The following STIM2 variants were observed in gnomAD, a reference collection of about 807,000 sequenced individuals.
STIM2 encodes stromal interaction molecule 2.
Under a neutral mutation model 85.8 loss-of-function variants are expected in STIM2, and 31 were observed. That is an observed-to-expected ratio of 0.36 (90% confidence interval 0.27 to 0.49). The LOEUF is 0.49. Among genes scored for constraint, STIM2 ranks in the 20% least tolerant of loss-of-function variants. The pLI, the probability that STIM2 is intolerant of heterozygous loss-of-function variation, is 0.98. For synonymous variants in STIM2, 356 were observed against 331.1 expected, an observed-to-expected ratio of 1.08 and a Z score of -0.82; for missense variants, 841 against 927.6, an observed-to-expected ratio of 0.91 and a Z score of 1.21.
intron 2 of STIM2, among the ~76,000 whole-genome samples, chr4:26,955,054 A>G (rs1726194283): frequency 6.8e-6 from 1 of 146,750 alleles, no homozygotes; most frequent in Non-Finnish European, 1.5e-5. Context: ...CCTTAGAAAT[A>G]AAATTTCTTA....
rs192266196 is a variant in STIM2 at position 27,019,806 on chromosome 4, G to C, written c.1763+1822G>C. ...GTGAATTCAACTCCATGTCACTCTG[G>C]GGAAAAAAAGAAATAGAAAAAAATA... On this transcript the variant is annotated intron_variant, in intron 11 of 11. Transcript: ENST00000467087. Among the ~76,000 whole-genome samples, 200 of 151,084 alleles carry C rather than the reference G, an allele frequency of 1.3e-3. 1 individual carries two copies. The highest frequency in any genetic ancestry group is 4.7e-3 in the African/African-American group (192 of 41,184).
Position 26,875,180 on chromosome 4 carries a change from C to G in STIM2, c.151+13811C>G, listed in dbSNP as rs1016466225. ...ACTATCAAGTTTAACTTAGTGTAAT[C>G]GACCTAAAATTAGAACTCAGATCTA... On this transcript the variant is annotated intron_variant, in intron 1 of 11. Coordinates refer to ENST00000467087, the MANE Select transcript of STIM2 (RefSeq NM_020860.4). Among the ~76,000 whole-genome samples the G allele has an allele frequency of 2.0e-5, 3 of 152,078 alleles. No homozygotes were observed. The South Asian group carries it at 6.2e-4, about 31-fold the overall frequency.
chr4:26,995,954 A>G (rs1727948306), intron 4 of STIM2, among the ~76,000 whole-genome samples: 1 of 152,098 alleles, frequency 6.6e-6, no homozygotes. Context: ...AATAGCAACC[A>G]TTTTAAAATG....
chr4:27,023,119 C>A lies in STIM2; in HGVS notation c.*123C>A. On this transcript the variant is annotated 3_prime_UTR_variant, in exon 12 of 12. Transcript: ENST00000467087. ...GTAACTCCATTGGGGCTTTCCAGGC[C>A]GGATGCCATAGTGGAACATCCAGAA... The A allele has an allele frequency of 1.1e-6, 1 of 922,528 alleles. No homozygotes were observed. Among genetic ancestry groups the A allele is most frequent in the Non-Finnish European group, 1.6e-6 (1 of 606,686 alleles). 57.1% of individuals were successfully genotyped at this position (922,528 alleles called of 1,614,324 possible).
At chr4:26,989,141 G>A (rs185408326) in intron 3 of STIM2, among the ~76,000 whole-genome samples, 1 of 152,082 alleles carries the variant, frequency 6.6e-6, no homozygotes, top group Admixed American at 6.6e-5. Flanking sequence ...TGCCATGTTG[G>A]CCAGGCTGGT....
intron 2 of STIM2, among the ~76,000 whole-genome samples, chr4:26,927,844 ATATT>A (rs1367453795): frequency 2.2e-5 from 3 of 135,792 alleles, no homozygotes; most frequent in African/African-American, 3.1e-5. Flanking sequence ...TATAAATTAT[ATATT>A]AATATATAAT....
intron 4 of STIM2, among the ~76,000 whole-genome samples, chr4:26,998,145 G>A (rs1390647805): frequency 6.6e-6 from 1 of 152,094 alleles, no homozygotes; most frequent in Admixed American, 6.5e-5. Context: ...ATATGCCTGT[G>A]TTTATTGTCA....
At chr4:26,906,400 C>T (rs932057807) in intron 1 of STIM2, among the ~76,000 whole-genome samples, 8 of 151,512 alleles carry the variant, frequency 5.3e-5, no homozygotes, top group Non-Finnish European at 8.8e-5. Context: ...GTGTAACAAA[C>T]CTGCTGATGT....
chr4:26,890,902 A>G (rs1319085434), intron 1 of STIM2, among the ~76,000 whole-genome samples: 1 of 151,466 alleles, frequency 6.6e-6, no homozygotes, highest in Non-Finnish European at 1.5e-5. Context: ...AAGGGTCTTC[A>G]CTCTGATTAA....
chr4:26,997,973 A>G (rs990999986), intron 4 of STIM2, among the ~76,000 whole-genome samples: 3 of 152,012 alleles, frequency 2.0e-5, no homozygotes, highest in African/African-American at 7.2e-5. Context: ...AGTCTTTGGA[A>G]TCGTACATAT....
chr4:26,993,791 G>T (rs1022951683), intron 3 of STIM2, among the ~76,000 whole-genome samples: 1 of 152,052 alleles, frequency 6.6e-6, no homozygotes, highest in Non-Finnish European at 1.5e-5. Context: ...TATCTTTACT[G>T]TTATTTAGTA....
intron 3 of STIM2, among the ~76,000 whole-genome samples, chr4:26,970,429 G>A (rs1173161306): frequency 6.6e-6 from 1 of 150,784 alleles, no homozygotes; most frequent in South Asian, 2.1e-4. Flanking sequence ...TGTGTGTGAT[G>A]TTCCCTGCCC....
chr4:26,935,325 T>A (rs1245762638), intron 2 of STIM2, among the ~76,000 whole-genome samples: 1 of 152,202 alleles, frequency 6.6e-6, no homozygotes, highest in African/African-American at 2.4e-5. Context: ...TCTTCTTTGT[T>A]TACGTATATG....
intron 2 of STIM2, among the ~76,000 whole-genome samples, chr4:26,955,618 T>G (rs1235802700): frequency 6.7e-6 from 1 of 148,316 alleles, no homozygotes; most frequent in African/African-American, 2.6e-5. Context: ...CCCTTAAATA[T>G]AACTTAAGGC....
intron 2 of STIM2, among the ~76,000 whole-genome samples, chr4:26,943,181 T>G (rs1228641235): frequency 6.9e-6 from 1 of 145,076 alleles, no homozygotes; most frequent in Non-Finnish European, 1.5e-5. Flanking sequence ...TTTAATTCTA[T>G]CCTTTTTTTT....
At chr4:26,913,210 A>G (rs1304638068) in intron 1 of STIM2, among the ~76,000 whole-genome samples, 2 of 152,212 alleles carry the variant, frequency 1.3e-5, no homozygotes, top group East Asian at 1.9e-4. Flanking sequence ...AAAGTCAGGC[A>G]AAGTATGTAT....
chr4:26,947,440 T>G (rs1725875589), intron 2 of STIM2, among the ~76,000 whole-genome samples: 1 of 152,166 alleles, frequency 6.6e-6, no homozygotes, highest in African/African-American at 2.4e-5. Flanking sequence ...GAAAATGTCT[T>G]GATTCAGGTA....
chr4:27,005,544 A>G (rs1241185894), intron 7 of STIM2, among the ~76,000 whole-genome samples: 1 of 152,226 alleles, frequency 6.6e-6, no homozygotes, highest in Non-Finnish European at 1.5e-5. Context: ...CATTTTAAAC[A>G]GTTATTTATT....
In STIM2 at chr4:27,019,351, A is replaced by G. The variant is rs1484358009; in HGVS notation, c.1763+1367A>G. The G allele has an allele frequency of 1.2e-5, 13 of 1,091,448 alleles. No homozygotes were observed. In the Admixed American group the frequency reaches 2.8e-4, roughly 23 times the overall value. The allele number at this position is 1,091,448 out of a possible 1,614,324, so 67.6% of individuals were successfully genotyped here. On this transcript the variant is annotated intron_variant, in intron 11 of 11. Transcript: ENST00000467087. ...CATTGCAGTTGGAGAATCTGATGCG[A>G]CTTTGCTTGGTTAACACTTTATGAC...
Sources: allele counts gnomAD v4.1 joint callset (sites outside exome capture counted in the v4.1 genomes callset), GRCh38; gene constraint gnomAD v4.1.1; transcripts MANE v1.5; gene names NCBI Gene and HGNC (gene_info 2026-07-23, HGNC 2026-07-21).